TSHZ2: variants seen among roughly 807,000 people sequenced by gnomAD.
TSHZ2 encodes teashirt homolog 2.
TSHZ2 carries 21 observed loss-of-function variants against 74.4 expected under a neutral mutation model. That is an observed-to-expected ratio of 0.28 (90% CI 0.20 to 0.41). The LOEUF (loss-of-function observed/expected upper bound fraction) is 0.41. TSHZ2 is among the 10% of genes least tolerant of loss of function. The pLI is 1.00. For synonymous variants in TSHZ2, 540 were observed against 515.3 expected (o/e 1.05, Z -0.65); for missense variants, 1,244 against 1,293.5 (o/e 0.96, Z 0.59).
At chr20:53,285,806 T>C (rs1047040828) in intron 2 of TSHZ2, among the ~76,000 whole-genome samples, 1 of 152,156 alleles carries the variant, frequency 6.6e-6, no homozygotes, top group Non-Finnish European at 1.5e-5. Context: ...CCATTAGGGT[T>C]ATATATGTTT....
At chr20:53,134,776 T>G (rs1467362149) in intron 1 of TSHZ2, among the ~76,000 whole-genome samples, 1 of 152,162 alleles carries the variant, frequency 6.6e-6, no homozygotes, top group Admixed American at 6.6e-5. Context: ...GTTGGTCATC[T>G]TCTCCCTCTT....
At chr20:52,986,417 A>AAG (rs1380546569) in intron 1 of TSHZ2, among the ~76,000 whole-genome samples, 1 of 144,740 alleles carries the variant, frequency 6.9e-6, no homozygotes, top group East Asian at 2.1e-4. Flanking sequence ...AAAAAAAAAA[A>AAG]AGAAAGAAAG....
At chr20:53,169,658 T>G (rs551294283) in intron 1 of TSHZ2, among the ~76,000 whole-genome samples, 1 of 152,332 alleles carries the variant, frequency 6.6e-6, no homozygotes, top group East Asian at 1.9e-4. Flanking sequence ...AATTTAAACT[T>G]GTCAGAAGAA....
At chr20:53,274,550 G>A (rs1035603633) in intron 2 of TSHZ2, among the ~76,000 whole-genome samples, 14 of 152,312 alleles carry the variant, frequency 9.2e-5, no homozygotes, top group South Asian at 2.1e-4. Flanking sequence ...GAAATCTTGC[G>A]TAATTATTCA....
At chr20:53,083,813 T>G (rs748936279) in intron 1 of TSHZ2, among the ~76,000 whole-genome samples, 2 of 152,104 alleles carry the variant, frequency 1.3e-5, no homozygotes, top group Non-Finnish European at 2.9e-5. Context: ...CCAGTTTGCA[T>G]TGATAACTTG....
At position 53,253,549 on chromosome 20, in the gene TSHZ2, G is replaced by A. The variant is rs1475105817; in HGVS notation, c.91G>A (p.Glu31Lys). 1 of 1,613,622 alleles carries A rather than the reference G, an allele frequency of 6.2e-7. No homozygotes were observed. The highest frequency in any genetic ancestry group is 1.7e-5 in the Admixed American group (1 of 59,958). Residue 31 changes from glutamate to lysine, a missense_variant, in exon 2 of 3, where the codon GAG (glutamate) becomes AAG (lysine). This residue lies in a region of TSHZ2 where 470 missense variants were observed against 456.5 expected (regional missense o/e 1.03). Transcript: ENST00000371497. ...AGAAGAGGAGGAAATAAAAGAAGAG[G>A]AGGAGGAGGAGGACAGCGGTTCAGT... ...LKEEEEIKEE[E>K]EEEDSGSVAQ...
intron 2 of TSHZ2, among the ~76,000 whole-genome samples, chr20:53,437,649 A>G (rs1460793404): frequency 6.6e-6 from 1 of 152,070 alleles, no homozygotes; most frequent in African/African-American, 2.4e-5. Context: ...CATGGTTTGG[A>G]TCTTTGTCCC....
At chr20:53,344,453 A>G (rs1980355129) in intron 2 of TSHZ2, among the ~76,000 whole-genome samples, 1 of 152,172 alleles carries the variant, frequency 6.6e-6, no homozygotes, top group African/African-American at 2.4e-5. Context: ...TTGAGACCAA[A>G]GATGTTTTTC....
chr20:53,236,589 T>C (rs1297713048), intron 1 of TSHZ2, among the ~76,000 whole-genome samples: 2 of 152,252 alleles, frequency 1.3e-5, no homozygotes, highest in African/African-American at 2.4e-5. Flanking sequence ...TGGGGTCTAA[T>C]GAACTCACTT....
intron 1 of TSHZ2, among the ~76,000 whole-genome samples, chr20:52,985,382 A>G (rs1033814229): frequency 1.4e-4 from 21 of 152,228 alleles, no homozygotes; most frequent in African/African-American, 4.6e-4. Context: ...AATGAAGAAA[A>G]TGGTGAATGG....
intron 2 of TSHZ2, chr20:53,400,033 G>GA (rs1227957737): frequency 6.5e-6 from 1 of 152,894 alleles, no homozygotes; most frequent in South Asian, 2.1e-4. Flanking sequence ...ACTGTGGAGT[G>GA]CTGAGCACAG....
chr20:53,285,417 T>G (rs554476142), intron 2 of TSHZ2, among the ~76,000 whole-genome samples: 3 of 152,238 alleles, frequency 2.0e-5, no homozygotes, highest in African/African-American at 7.2e-5. Context: ...CAGTACAATA[T>G]CTGAGAAATG....
At chr20:53,085,742 C>A (rs1462867121) in intron 1 of TSHZ2, among the ~76,000 whole-genome samples, 1 of 152,236 alleles carries the variant, frequency 6.6e-6, no homozygotes, top group Admixed American at 6.5e-5. Flanking sequence ...ACCTCATGAT[C>A]TTAAACACTA....
In TSHZ2 at chr20:53,118,633, G is replaced by A. The variant is rs187753544; in HGVS notation, c.41-134866G>A. On this transcript the variant is annotated intron_variant, in intron 1 of 2. Coordinates refer to ENST00000371497, the MANE Select transcript of TSHZ2 (RefSeq NM_173485.6). ...TGTCAGCCAGTCATCAGTTATGGGT[G>A]TCAGGGAGGTTCCTTAACCTCCCAG... Among the ~76,000 whole-genome samples the A allele has an allele frequency of 5.3e-5, 8 of 152,260 alleles. No homozygotes were observed. The East Asian group carries it at 1.5e-3, about 29-fold the overall frequency.
chr20:53,373,921 C>T (rs1981567709), intron 2 of TSHZ2, among the ~76,000 whole-genome samples: 1 of 152,084 alleles, frequency 6.6e-6, no homozygotes, highest in African/African-American at 2.4e-5. Context: ...TGACTGCTTC[C>T]CAAAGTGTGA....
rs1246303930 is a variant in TSHZ2 at position 53,037,603 on chromosome 20, G to C, written c.40+64270G>C. ...GCTGTTGATCAGACCTATTTTTACG[G>C]GTAAGTTTCTAGGGGTCATAGAAGA... On this transcript the variant is annotated intron_variant, in intron 1 of 2. Coordinates refer to ENST00000371497, the MANE Select transcript of TSHZ2 (RefSeq NM_173485.6). Among the ~76,000 whole-genome samples, 3 of 152,134 alleles carry C rather than the reference G, an allele frequency of 2.0e-5. No homozygotes were observed. In the East Asian group the frequency reaches 5.8e-4, roughly 29 times the overall value.
intron 1 of TSHZ2, among the ~76,000 whole-genome samples, chr20:53,171,870 T>C (rs1988211180): frequency 6.6e-6 from 1 of 152,164 alleles, no homozygotes; most frequent in Non-Finnish European, 1.5e-5. Context: ...TACAGATCAT[T>C]AATAAGAAAA....
intron 2 of TSHZ2, among the ~76,000 whole-genome samples, chr20:53,315,174 C>T (rs999852769): frequency 6.6e-6 from 1 of 152,206 alleles, no homozygotes; most frequent in African/African-American, 2.4e-5. Flanking sequence ...CTTAAGACAT[C>T]TTCACATTAT....
intron 2 of TSHZ2, among the ~76,000 whole-genome samples, chr20:53,343,825 A>C (rs1049959322): frequency 2.0e-5 from 3 of 152,166 alleles, no homozygotes; most frequent in Non-Finnish European, 4.4e-5. Flanking sequence ...GCCCCAGGTG[A>C]TCCTAAAAAT....
Sources: gnomAD v4.1 joint callset for allele counts (sites outside exome capture counted in the v4.1 genomes callset) on GRCh38, gnomAD v4.1.1 for gene constraint, gnomAD v4.1.1 regional missense constraint, MANE v1.5 for transcripts, NCBI Gene and HGNC (gene_info 2026-07-23, HGNC 2026-07-21) for gene names.